SHROOM2: variants seen among roughly 807,000 people sequenced by gnomAD.
SHROOM2 encodes the protein protein Shroom2.
Under a neutral mutation model 75.9 loss-of-function variants are expected in SHROOM2, and 33 were observed. That is an observed-to-expected ratio of 0.43 (90% CI 0.33 to 0.58). The LOEUF (loss-of-function observed/expected upper bound fraction) is 0.58, where lower values mean the gene tolerates loss of function less well. Among genes scored for constraint, SHROOM2 ranks in the 20% least tolerant of loss-of-function variants. SHROOM2 has a pLI of 0.04. For synonymous variants in SHROOM2, 655 were observed against 663.6 expected, an observed-to-expected ratio of 0.99 and a Z score of 0.20; for missense variants, 1,434 against 1,461.2, an observed-to-expected ratio of 0.98 and a Z score of 0.30.
At chrX:9,807,953 G>T (rs1243011382) in intron 1 of SHROOM2, among the ~76,000 whole-genome samples, 1 of 111,683 alleles carries the variant, frequency 9.0e-6, no homozygotes, top group East Asian at 2.8e-4. Flanking sequence ...CCTGACTTGT[G>T]ACCATCCTGG....
intron 1 of SHROOM2, among the ~76,000 whole-genome samples, chrX:9,794,418 G>A (rs908509753): frequency 1.8e-5 from 2 of 111,436 alleles, no homozygotes; most frequent in African/African-American, 6.5e-5. Flanking sequence ...TGCCCAGGCT[G>A]GAGTGCAATG....
At chrX:9,864,031 C>T (rs1269486934) in intron 1 of SHROOM2, among the ~76,000 whole-genome samples, 21 of 111,170 alleles carry the variant, frequency 1.9e-4, no homozygotes, top group Admixed American at 9.6e-5. Context: ...TTTGAAGTCT[C>T]AGCACCTTTG....
chrX:9,789,668 G>T (rs1351536004), intron 1 of SHROOM2, among the ~76,000 whole-genome samples: 1 of 111,154 alleles, frequency 9.0e-6, no homozygotes, highest in African/African-American at 3.3e-5. Flanking sequence ...CTGTTTGGGG[G>T]ATTCATGAGG....
chrX:9,942,891 C>A (rs188721260), intron 8 of SHROOM2, among the ~76,000 whole-genome samples: 1 of 111,605 alleles, frequency 9.0e-6, no homozygotes, highest in East Asian at 2.8e-4. Flanking sequence ...TGTAGCGTTC[C>A]TTCCCCCTAG....
chrX:9,890,460 C>G (rs1432966324), intron 2 of SHROOM2, among the ~76,000 whole-genome samples: 1 of 113,734 alleles, frequency 8.8e-6, no homozygotes, highest in Non-Finnish European at 1.9e-5. Flanking sequence ...GAACAAAAAT[C>G]TAAAAAGAAG....
chrX:9,914,814 G>A (rs942443064), intron 5 of SHROOM2, among the ~76,000 whole-genome samples: 1 of 112,130 alleles, frequency 8.9e-6, no homozygotes, highest in East Asian at 2.8e-4. Context: ...GGGCAGCATG[G>A]CTGATTTTCA....
intron 8 of SHROOM2, among the ~76,000 whole-genome samples, chrX:9,941,682 T>C (rs1234264840): frequency 1.8e-5 from 2 of 111,238 alleles, no homozygotes; most frequent in Non-Finnish European, 3.8e-5. Context: ...ACTGAAAATT[T>C]CCTGAGCGGC....
chrX:9,786,557 C>G lies in SHROOM2; in HGVS notation c.12C>G (p.Ala4=). Reference sequence around the variant, plus strand: ...TGAGCGGTCGCGCCATGGAGGGCGCCGAGCCCCGCGCGCGGCCCGAGCGCC... The same window carrying G: ...TGAGCGGTCGCGCCATGGAGGGCGCGGAGCCCCGCGCGCGGCCCGAGCGCC... MEG[A]EPRARPERLA... The change falls in exon 1 of 10, where the codon GCC becomes GCG. Residue 4 remains alanine, a synonymous_variant. Transcript: ENST00000380913. 1.2e-6 allele frequency: 1 copy of G among 852,323 alleles called. No homozygotes were observed. Among genetic ancestry groups the G allele is most frequent in the Non-Finnish European group, 1.4e-6 (1 of 701,978 alleles). The allele number at this position is 852,323 out of a possible 1,213,427, so 70.2% of individuals were successfully genotyped here.
intron 6 of SHROOM2, among the ~76,000 whole-genome samples, chrX:9,933,827 G>A (rs1247976471): frequency 8.9e-6 from 1 of 112,185 alleles, no homozygotes; most frequent in Admixed American, 9.4e-5. Flanking sequence ...CCACCTCCTT[G>A]AGTGCCTTGA....
Position 9,895,624 on chromosome X carries a change from A to C in SHROOM2, c.1716A>C (p.Ala572=). The C allele has an allele frequency of 2.6e-6, 3 of 1,163,633 alleles. No homozygotes were observed. Residue 572 remains alanine, a synonymous_variant, in exon 4 of 10, where the codon GCA becomes GCC. Transcript: ENST00000380913. The part of the protein sequence containing the change: ...SQRLAASITW[A]DGESSRICPQ... ...GGCTGGCAGCCAGCATCACGTGGGC[A>C]GATGGGGAGAGCAGCAGGATCTGCC...
At chrX:9,821,266 G>A (rs140442601) in intron 1 of SHROOM2, among the ~76,000 whole-genome samples, 4,862 of 111,881 alleles carry the variant, frequency 0.043, 136 homozygotes, top group Non-Finnish European at 0.066. Flanking sequence ...ACGGTTGCTG[G>A]GACCCAGGGA....
At chrX:9,818,448 G>C in intron 1 of SHROOM2, 1 of 243,500 alleles carries the variant, frequency 4.1e-6, no homozygotes, top group Non-Finnish European at 8.1e-6. Context: ...GTTTCTTAAA[G>C]GCCTTTTTCC....
intron 8 of SHROOM2, among the ~76,000 whole-genome samples, chrX:9,943,359 C>T (rs1233242304): frequency 8.9e-6 from 1 of 111,780 alleles, no homozygotes; most frequent in Non-Finnish European, 1.9e-5. Context: ...GCCTAATGCT[C>T]ATCCGGCTGG....
At chrX:9,879,700 G>C (rs2084220888) in intron 2 of SHROOM2, among the ~76,000 whole-genome samples, 1 of 112,392 alleles carries the variant, frequency 8.9e-6, no homozygotes, top group African/African-American at 3.2e-5. Context: ...ATGAATCAAT[G>C]TTTGCAAATA....
rs1601901541 is a variant in SHROOM2, at chrX:9,786,705, A to G, written c.160A>G (p.Thr54Ala). 1.1e-5 allele frequency: 10 copies of G among 885,300 alleles called. No homozygotes were observed. The East Asian group carries it at 4.7e-4, about 42-fold the overall frequency. The allele number at this position is 885,300 out of a possible 1,213,427, so 73.0% of individuals were successfully genotyped here. ...GREHGEPLVI[T>A]KIEEGSKAAA... ...CGAGCACGGCGAGCCGCTGGTCATC[A>G]CCAAGGTAAGGCGGCCGCGGGGCGC... Residue 54 changes from threonine to alanine, a missense_variant, in exon 1 of 10, where the codon ACC becomes GCC. Coordinates refer to ENST00000380913, the MANE Select transcript of SHROOM2 (RefSeq NM_001649.4).
chrX:9,842,545 C>T (rs1275843997), intron 1 of SHROOM2, among the ~76,000 whole-genome samples: 1 of 112,421 alleles, frequency 8.9e-6, no homozygotes, highest in African/African-American at 3.2e-5. Flanking sequence ...TGGTGGGCTC[C>T]GCAGGTGCCT....
chrX:9,807,150 C>T (rs774805320), intron 1 of SHROOM2, among the ~76,000 whole-genome samples: 22 of 112,017 alleles, frequency 2.0e-4, no homozygotes, highest in Admixed American at 1.9e-3. Context: ...CATGAAGGTC[C>T]CTGCCTCGAG....
intron 2 of SHROOM2, among the ~76,000 whole-genome samples, chrX:9,878,975 C>G (rs2084217023): frequency 8.9e-6 from 1 of 111,830 alleles, no homozygotes; most frequent in Non-Finnish European, 1.9e-5. Flanking sequence ...GAGACCCTGA[C>G]TGGTTTAGGC....
In SHROOM2 at chrX:9,872,912, T is replaced by A. The variant is rs2084179234; in HGVS notation, c.166-740T>A. On this transcript the variant is annotated intron_variant, in intron 1 of 9. Transcript: ENST00000380913. The stretch of plus-strand genomic sequence containing the variant: ...AGTAGACACTGATGAATAGATAAAA[T>A]GCGGTCTGTCCATACAAGTGAATGT... Among the ~76,000 whole-genome samples, 5 of 112,320 alleles carry A rather than the reference T, an allele frequency of 4.5e-5. No individual in the cohort carries two copies. In the South Asian group the frequency reaches 1.8e-3, roughly 41 times the overall value.
Sources: gnomAD v4.1 joint callset for allele counts (sites outside exome capture counted in the v4.1 genomes callset) on GRCh38, gnomAD v4.1.1 for gene constraint, MANE v1.5 for transcripts, NCBI Gene and HGNC (gene_info 2026-07-23, HGNC 2026-07-21) for gene names.